The following COPG2 variants were observed in gnomAD, a reference collection of about 807,000 sequenced individuals.
COPG2 encodes coatomer subunit gamma-2.
A neutral mutation model predicts 46.3 loss-of-function variants in COPG2; 37 were observed. The observed-to-expected ratio is 0.80, with a 90% CI of 0.61 to 1.05. The LOEUF (loss-of-function observed/expected upper bound fraction) is 1.05, where lower values mean the gene tolerates loss of function less well. Ranked by LOEUF, COPG2 falls within the 50% of genes least tolerant of loss-of-function variation. The pLI is 0.00. For missense variants in COPG2, 427 were observed against 387.8 expected (o/e 1.10, Z -0.85); for synonymous variants, 159 against 129.7 (o/e 1.23, Z -1.53).
intron 9 of COPG2, among the ~76,000 whole-genome samples, chr7:130,577,230 G>A (rs550585026): frequency 1.8e-4 from 28 of 152,356 alleles, no homozygotes; most frequent in African/African-American, 6.3e-4. Context: ...GCAGAAGACC[G>A]GTGATTTCTG....
intron 20 of COPG2, among the ~76,000 whole-genome samples, chr7:130,513,318 T>C (rs1243096710): frequency 2.4e-5 from 1 of 41,950 alleles, no homozygotes; most frequent in African/African-American, 8.4e-5. Flanking sequence ...AATATATATA[T>C]ATATATATAT....
At chr7:130,508,009 T>C (rs1799529672) in intron 21 of COPG2, 186 bp from the exon 22 acceptor site, 1 of 557,590 alleles carries the variant, frequency 1.8e-6, no homozygotes, top group Admixed American at 3.3e-5. Context: ...ACAGAACATC[T>C]GGCAAGAGCC....
At chr7:130,524,232 T>C (rs1282574007) in intron 20 of COPG2, among the ~76,000 whole-genome samples, 3 of 151,848 alleles carry the variant, frequency 2.0e-5, no homozygotes, top group Non-Finnish European at 1.5e-5. Flanking sequence ...GTACGTGTGA[T>C]GCAGAGATGA....
chr7:130,573,148 A>G (rs1360105118), intron 9 of COPG2, among the ~76,000 whole-genome samples: 4 of 151,772 alleles, frequency 2.6e-5, no homozygotes, highest in African/African-American at 7.2e-5. Flanking sequence ...ACTACTAAAG[A>G]TGACTCAAAA....
chr7:130,513,305 AAAAAT>A (rs1398046310), intron 20 of COPG2, among the ~76,000 whole-genome samples: 12 of 50,018 alleles, frequency 2.4e-4, no homozygotes, highest in African/African-American at 7.0e-4. Flanking sequence ...AAAAAAAAAA[AAAAAT>A]ATATATATAT....
intron 9 of COPG2, among the ~76,000 whole-genome samples, chr7:130,589,991 G>A (rs1221079796): frequency 4.6e-5 from 7 of 151,872 alleles, no homozygotes; most frequent in Admixed American, 1.3e-4. Context: ...TTTTTTAATC[G>A]TAAAAGACGT....
chr7:130,618,884 CTAA>C (rs1301799804), intron 5 of COPG2, among the ~76,000 whole-genome samples: 3 of 152,006 alleles, frequency 2.0e-5, no homozygotes, highest in African/African-American at 7.2e-5. Flanking sequence ...ATTCAATTTT[CTAA>C]TTATTAATAC....
chr7:130,648,294 G>C (rs1480426500), intron 5 of COPG2, among the ~76,000 whole-genome samples: 1 of 152,058 alleles, frequency 6.6e-6, no homozygotes, highest in Non-Finnish European at 1.5e-5. Context: ...CTGTAGATTA[G>C]AAGTCCAACA....
intron 10 of COPG2, 63 bp from the exon 11 acceptor site, chr7:130,563,399 T>C (rs1184623589): frequency 2.6e-6 from 1 of 392,054 alleles, no homozygotes; most frequent in Non-Finnish European, 4.5e-6. Flanking sequence ...ATACCGTGAA[T>C]ACTCCTGGCT....
chr7:130,631,491 C>T (rs1004670226), intron 5 of COPG2, among the ~76,000 whole-genome samples: 6 of 152,084 alleles, frequency 3.9e-5, no homozygotes, highest in African/African-American at 1.4e-4. Context: ...CCTCCCCAAC[C>T]TTCTTTTGGG....
Position 130,507,255 on chromosome 7 carries a change from T to A in COPG2, c.2485+19A>T, listed in dbSNP as rs1554440282. ...GCTTTGCAAGAAAATGGAAGGAAAATCTGATGGAAGCTTCTTACCTGCCAG... is the reference window on the plus strand; with the variant it reads ...GCTTTGCAAGAAAATGGAAGGAAAAACTGATGGAAGCTTCTTACCTGCCAG... On this transcript the variant is annotated intron_variant, in intron 23 of 23. Transcript: ENST00000425248. 1.3e-6 allele frequency: 1 copy of A among 780,400 alleles called. No homozygotes were observed. The highest frequency in any genetic ancestry group is 2.4e-5 in the East Asian group (1 of 41,236). 48.3% of individuals were successfully genotyped at this position (780,400 alleles called of 1,614,324 possible).
chr7:130,571,869 G>A (rs1384121758), intron 9 of COPG2, among the ~76,000 whole-genome samples: 5 of 150,886 alleles, frequency 3.3e-5, no homozygotes, highest in South Asian at 2.1e-4. Flanking sequence ...ATACACAAAC[G>A]CGCGCACACA....
chr7:130,577,321 C>G (rs1169604617), intron 9 of COPG2, among the ~76,000 whole-genome samples: 1 of 152,222 alleles, frequency 6.6e-6, no homozygotes, highest in African/African-American at 2.4e-5. Context: ...ACGCACCGTG[C>G]GCAAGCCGAA....
At chr7:130,578,023 G>A (rs1168121009) in intron 9 of COPG2, among the ~76,000 whole-genome samples, 3 of 152,266 alleles carry the variant, frequency 2.0e-5, no homozygotes, top group African/African-American at 4.8e-5. Context: ...GCCTGCCTCT[G>A]TAGGCTCCAC....
intron 9 of COPG2, among the ~76,000 whole-genome samples, chr7:130,595,479 A>C (rs1381282860): frequency 6.6e-5 from 10 of 152,192 alleles, no homozygotes; most frequent in Non-Finnish European, 1.3e-4. Context: ...TTAACTATAT[A>C]CTTTTAAAAG....
chr7:130,532,851 G>A (rs955052972), intron 20 of COPG2, among the ~76,000 whole-genome samples: 12 of 152,164 alleles, frequency 7.9e-5, no homozygotes, highest in Non-Finnish European at 1.3e-4. Context: ...CAGTGGGTGC[G>A]GGGCCTGGTC....
chr7:130,578,965 A>G (rs1554446741), intron 9 of COPG2, among the ~76,000 whole-genome samples: 1 of 147,670 alleles, frequency 6.8e-6, no homozygotes, highest in Non-Finnish European at 1.5e-5. Context: ...CTAGCAAGGC[A>G]GGCCAACGTT....
chr7:130,617,975 C>CT (rs1554453126), intron 5 of COPG2, among the ~76,000 whole-genome samples: 1 of 151,194 alleles, frequency 6.6e-6, no homozygotes, highest in African/African-American at 2.4e-5. Flanking sequence ...GTGGGGTGTG[C>CT]CTGTAGTCTC....
chr7:130,650,013 T>C (rs1795705309), intron 5 of COPG2, among the ~76,000 whole-genome samples: 2 of 152,208 alleles, frequency 1.3e-5, no homozygotes, highest in African/African-American at 2.4e-5. Context: ...GCTACAGTCC[T>C]TTCCGGAGGC....
Sources: allele counts gnomAD v4.1 joint callset (sites outside exome capture counted in the v4.1 genomes callset), GRCh38; gene constraint gnomAD v4.1.1; transcripts MANE v1.5; gene names NCBI Gene and HGNC (gene_info 2026-07-23, HGNC 2026-07-21).